The following FTO variants were observed in gnomAD, a reference collection of about 807,000 sequenced individuals.
FTO encodes the protein alpha-ketoglutarate-dependent dioxygenase FTO.
Under a neutral mutation model 63.9 loss-of-function variants are expected in FTO, and 47 were observed. The observed-to-expected ratio is 0.74, with a 90% CI of 0.58 to 0.94. FTO has a LOEUF of 0.94. FTO is among the 40% of genes least tolerant of loss of function. The pLI is 0.00. For missense variants in FTO, 562 were observed against 618.1 expected (o/e 0.91, Z 0.96); for synonymous variants, 207 against 224.4 (o/e 0.92, Z 0.69).
chr16:54,100,737 G>A (rs1198625173), intron 8 of FTO, among the ~76,000 whole-genome samples: 2 of 152,200 alleles, frequency 1.3e-5, no homozygotes, highest in African/African-American at 4.8e-5. Context: ...GCATTGGCAT[G>A]AGGTACAATG....
At chr16:53,706,576 C>T (rs1358915878) in intron 1 of FTO, among the ~76,000 whole-genome samples, 4 of 150,392 alleles carry the variant, frequency 2.7e-5, no homozygotes, top group Non-Finnish European at 4.4e-5. Flanking sequence ...ATTTTTTTTT[C>T]AAAATAGAGA....
chr16:53,810,939 TG>T (rs1333052191), intron 2 of FTO, among the ~76,000 whole-genome samples: 2 of 152,216 alleles, frequency 1.3e-5, no homozygotes, highest in African/African-American at 4.8e-5. Flanking sequence ...ATGTGGCCTT[TG>T]GCATCTGGGA....
chr16:54,009,100 G>A (rs140685152), intron 8 of FTO, among the ~76,000 whole-genome samples: 109 of 152,190 alleles, frequency 7.2e-4, no homozygotes, highest in Middle Eastern at 3.4e-3. Flanking sequence ...TTTGAGGAAA[G>A]GAACTGTCAT....
intron 1 of FTO, among the ~76,000 whole-genome samples, chr16:53,776,623 C>G (rs1319499986): frequency 6.6e-6 from 1 of 152,060 alleles, no homozygotes; most frequent in Non-Finnish European, 1.5e-5. Flanking sequence ...AATAGCAAAA[C>G]CCCTTCATTA....
At chr16:53,877,997 C>A (rs1223353495) in intron 5 of FTO, among the ~76,000 whole-genome samples, 1 of 152,102 alleles carries the variant, frequency 6.6e-6, no homozygotes, top group African/African-American at 2.4e-5. Context: ...AGATAGAAGT[C>A]ATTTTAAAAA....
At chr16:54,008,876 G>T (rs2084274282) in intron 8 of FTO, among the ~76,000 whole-genome samples, 1 of 150,934 alleles carries the variant, frequency 6.6e-6, no homozygotes, top group Admixed American at 6.6e-5. Context: ...GCTGGATGTG[G>T]TGGCATGTGC....
chr16:53,841,005 C>G (rs1370516078), intron 3 of FTO, among the ~76,000 whole-genome samples: 1 of 146,896 alleles, frequency 6.8e-6, no homozygotes, highest in Non-Finnish European at 1.5e-5. Context: ...TCCATGAACT[C>G]CAGTTTAGCA....
At chr16:53,843,318 T>A (rs1007294531) in intron 3 of FTO, among the ~76,000 whole-genome samples, 1 of 152,218 alleles carries the variant, frequency 6.6e-6, no homozygotes, top group African/African-American at 2.4e-5. Context: ...AATTGTCCTC[T>A]ACAGAGAGTG....
At chr16:54,023,798 C>T (rs756847377) in intron 8 of FTO, among the ~76,000 whole-genome samples, 2 of 152,166 alleles carry the variant, frequency 1.3e-5, no homozygotes, top group African/African-American at 2.4e-5. Flanking sequence ...TGGGACTTCA[C>T]CATGGTCCCA....
chr16:53,965,287 G>A (rs534894979), intron 8 of FTO, among the ~76,000 whole-genome samples: 84 of 152,294 alleles, frequency 5.5e-4, no homozygotes, highest in African/African-American at 1.9e-3. Flanking sequence ...TATTGGCCAG[G>A]TTGGTCTTGA....
intron 8 of FTO, among the ~76,000 whole-genome samples, chr16:53,970,218 C>T (rs2143717592): frequency 6.6e-6 from 1 of 152,270 alleles, no homozygotes; most frequent in East Asian, 1.9e-4. Flanking sequence ...TTACAGTTCT[C>T]CATCATCATT....
intron 6 of FTO, among the ~76,000 whole-genome samples, chr16:53,885,037 C>G (rs1351679856): frequency 6.6e-6 from 1 of 152,136 alleles, no homozygotes; most frequent in African/African-American, 2.4e-5. Context: ...GGAGGAAGAC[C>G]CAACTCCTGT....
intron 8 of FTO, among the ~76,000 whole-genome samples, chr16:53,988,839 G>A (rs540164409): frequency 2.6e-5 from 4 of 152,192 alleles, no homozygotes; most frequent in Non-Finnish European, 5.9e-5. Flanking sequence ...GTATTATAAG[G>A]GGTTTTGTTG....
intron 7 of FTO, among the ~76,000 whole-genome samples, chr16:53,921,857 G>GATAT (rs148355602): frequency 6.6e-6 from 1 of 151,114 alleles, no homozygotes; most frequent in African/African-American, 2.4e-5. Flanking sequence ...TACTTTTTGT[G>GATAT]ATATATATAT....
intron 4 of FTO, among the ~76,000 whole-genome samples, chr16:53,847,272 G>A (rs55835063): frequency 0.22 from 33,888 of 152,006 alleles, 4,110 homozygotes; most frequent in East Asian, 0.33. Flanking sequence ...TCCTTCTCCC[G>A]TAGGGATGCC....
At chr16:54,030,129 C>T (rs1199530477) in intron 8 of FTO, among the ~76,000 whole-genome samples, 1 of 152,164 alleles carries the variant, frequency 6.6e-6, no homozygotes, top group Non-Finnish European at 1.5e-5. Context: ...AATCCTGTCA[C>T]CTTGACATCT....
intron 3 of FTO, among the ~76,000 whole-genome samples, chr16:53,833,594 T>G (rs1384005049): frequency 6.6e-6 from 1 of 152,228 alleles, no homozygotes; most frequent in East Asian, 1.9e-4. Flanking sequence ...TGTATGTACT[T>G]TTGCGTAGGA....
At chr16:53,833,279 A>G (rs1031769531) in intron 3 of FTO, among the ~76,000 whole-genome samples, 1 of 152,176 alleles carries the variant, frequency 6.6e-6, no homozygotes, top group Non-Finnish European at 1.5e-5. Context: ...CCGGTTTCGG[A>G]TATGTCTTTA....
chr16:53,846,801 CAAAA>C (rs55982417), intron 4 of FTO, among the ~76,000 whole-genome samples: 5 of 106,926 alleles, frequency 4.7e-5, no homozygotes, highest in Admixed American at 1.8e-4. Context: ...GACTCAGTCT[CAAAA>C]AAAAAAAAAA....
Sources: allele counts gnomAD v4.1 joint callset (sites outside exome capture counted in the v4.1 genomes callset), GRCh38; gene constraint gnomAD v4.1.1; transcripts MANE v1.5; gene names NCBI Gene and HGNC (gene_info 2026-07-23, HGNC 2026-07-21).